Variants in ARID5B observed in about 807,000 individuals in gnomAD.
ARID5B encodes the protein AT-rich interaction domain 5B.
ARID5B carries 13 observed loss-of-function variants against 97.2 expected under a neutral mutation model. The observed-to-expected ratio is 0.13, with a 90% CI of 0.09 to 0.21. ARID5B has a LOEUF of 0.21. ARID5B is among the 10% of genes least tolerant of loss of function. ARID5B has a pLI of 1.00. For synonymous variants in ARID5B, 556 were observed against 570.3 expected (o/e 0.97, Z 0.36); for missense variants, 1,210 against 1,465.3 (o/e 0.83, Z 2.84).
At chr10:62,050,638 C>A (rs933168394) in intron 4 of ARID5B, among the ~76,000 whole-genome samples, 1 of 152,126 alleles carries the variant, frequency 6.6e-6, no homozygotes, top group Non-Finnish European at 1.5e-5. Flanking sequence ...CTAAGAGCTT[C>A]GTGTTACTTC....
chr10:61,947,589 C>T (rs1258890001), intron 3 of ARID5B, among the ~76,000 whole-genome samples: 1 of 151,930 alleles, frequency 6.6e-6, no homozygotes, highest in African/African-American at 2.4e-5. Context: ...TTCTAAGAAA[C>T]TAGGAATACA....
At position 61,943,741 on chromosome 10, in the gene ARID5B, TA is replaced by T. The variant is rs201615059; in HGVS notation, c.502+3345del. On this transcript the variant is annotated intron_variant, in intron 3 of 9. Transcript: ENST00000279873. ...TCACTTCCTGTCTCTCTCTGAATAGTAAAAAAAAAAAACAAGAATGTTCTCA... is the reference window on the plus strand; with the variant it reads ...TCACTTCCTGTCTCTCTCTGAATAGTAAAAAAAAAAACAAGAATGTTCTCA... 9.0e-4 allele frequency among the ~76,000 whole-genome samples: 129 copies of T among 143,724 alleles called. 1 individual carries two copies. Among genetic ancestry groups the T allele is most frequent in the Admixed American group, 7.6e-4 (11 of 14,406 alleles). The allele number at this position is 143,724 out of a possible 152,430, so 94.3% of individuals were successfully genotyped here.
chr10:62,085,966 C>A, intron 9 of ARID5B, 66 bp downstream of exon 9: 1 of 1,509,034 alleles, frequency 6.6e-7, no homozygotes, highest in Non-Finnish European at 9.0e-7. Context: ...CCTTCTGGAG[C>A]CCTGAATCCA....
At chr10:61,990,790 G>C (rs1218983629) in intron 3 of ARID5B, among the ~76,000 whole-genome samples, 2 of 152,078 alleles carry the variant, frequency 1.3e-5, no homozygotes, top group East Asian at 3.8e-4. Flanking sequence ...CCATTTTTAA[G>C]TGCACAATTC....
intron 7 of ARID5B, among the ~76,000 whole-genome samples, chr10:62,065,806 A>G (rs1185662649): frequency 3.4e-5 from 5 of 145,332 alleles, no homozygotes; most frequent in Admixed American, 7.3e-5. Context: ...AGATCGCGCC[A>G]CTGCACTCCA....
chr10:62,091,891 A>G lies in ARID5B; in HGVS notation c.2428A>G (p.Lys810Glu), dbSNP rs372755608. The change falls in exon 10 of 10, where the codon AAG (lysine) becomes GAG (glutamate). Residue 810 changes from lysine to glutamate, a missense_variant. Around this residue, in one of 8 missense-constraint regions of ARID5B, gnomAD observed 800 missense variants for 839.1 expected, o/e 0.95. Coordinates refer to ENST00000279873, the MANE Select transcript of ARID5B (RefSeq NM_032199.3). ...YVLKQEIQEG[K>E]DKLLEKRALP... The stretch of plus-strand genomic sequence containing the variant: ...CCTGAAGCAAGAAATTCAGGAGGGC[A>G]AGGATAAACTCTTAGAGAAAAGGGC... 3.1e-5 allele frequency: 50 copies of G among 1,614,010 alleles called. No individual in the cohort carries two copies. Among genetic ancestry groups the G allele is most frequent in the Non-Finnish European group, 4.2e-5 (49 of 1,180,034 alleles).
At chr10:62,053,375 GC>G (rs1839815895) in intron 5 of ARID5B, among the ~76,000 whole-genome samples, 1 of 152,186 alleles carries the variant, frequency 6.6e-6, no homozygotes, top group South Asian at 2.1e-4. Context: ...CAAGTGATTT[GC>G]CGGTCGCCAT....
intron 5 of ARID5B, among the ~76,000 whole-genome samples, chr10:62,051,595 G>A (rs950647955): frequency 6.6e-6 from 1 of 152,188 alleles, no homozygotes; most frequent in Non-Finnish European, 1.5e-5. Context: ...ATTCTACGCT[G>A]TTGTTCAAGA....
intron 2 of ARID5B, among the ~76,000 whole-genome samples, chr10:61,912,704 A>G (rs1564599253): frequency 6.6e-6 from 1 of 151,700 alleles, no homozygotes; most frequent in Non-Finnish European, 1.5e-5. Context: ...ACATACACAC[A>G]CACACATACA....
At chr10:62,070,277 T>C (rs1840046810) in intron 8 of ARID5B, among the ~76,000 whole-genome samples, 1 of 152,260 alleles carries the variant, frequency 6.6e-6, no homozygotes, top group South Asian at 2.1e-4. Context: ...CGGAATCTTC[T>C]TACCAAGCTC....
chr10:62,071,059 C>A (rs1379203573), intron 8 of ARID5B, among the ~76,000 whole-genome samples: 1 of 112,370 alleles, frequency 8.9e-6, no homozygotes. Context: ...TTTTTTGAGA[C>A]GGAGTCTTCC....
chr10:61,930,122 T>C (rs1439832349), intron 2 of ARID5B, among the ~76,000 whole-genome samples: 1 of 152,232 alleles, frequency 6.6e-6, no homozygotes, highest in Non-Finnish European at 1.5e-5. Context: ...AGGAGTGATA[T>C]GCAGAGAAAG....
At chr10:61,910,030 G>A (rs2132757100) in intron 2 of ARID5B, among the ~76,000 whole-genome samples, 1 of 152,304 alleles carries the variant, frequency 6.6e-6, no homozygotes, top group South Asian at 2.1e-4. Flanking sequence ...GCCTGGTGTT[G>A]GTTGGCAGTT....
chr10:62,082,699 C>T (rs910755168), intron 8 of ARID5B, among the ~76,000 whole-genome samples: 2 of 152,118 alleles, frequency 1.3e-5, no homozygotes, highest in East Asian at 3.8e-4. Flanking sequence ...GTACGTTGAA[C>T]GTTTAAATGT....
chr10:61,952,185 G>A (rs1838332655), intron 3 of ARID5B, among the ~76,000 whole-genome samples: 1 of 152,064 alleles, frequency 6.6e-6, no homozygotes, highest in African/African-American at 2.4e-5. Flanking sequence ...CATGTACTCA[G>A]TCCCCTGCCT....
At chr10:61,978,564 G>A (rs1838733057) in intron 3 of ARID5B, among the ~76,000 whole-genome samples, 1 of 152,178 alleles carries the variant, frequency 6.6e-6, no homozygotes, top group Non-Finnish European at 1.5e-5. Flanking sequence ...TCTCCTTGAA[G>A]AGGTCCTTCA....
At chr10:61,998,571 T>C (rs1444404260) in intron 3 of ARID5B, among the ~76,000 whole-genome samples, 1 of 152,206 alleles carries the variant, frequency 6.6e-6, no homozygotes, top group Non-Finnish European at 1.5e-5. Flanking sequence ...ATCTGGTGTT[T>C]ACAAATGAGC....
At chr10:62,028,431 T>C (rs1839450466) in intron 4 of ARID5B, among the ~76,000 whole-genome samples, 1 of 152,174 alleles carries the variant, frequency 6.6e-6, no homozygotes, top group Non-Finnish European at 1.5e-5. Context: ...ACAAAGTCTG[T>C]TCCCCTGTAG....
chr10:61,927,921 G>T (rs573753528), intron 2 of ARID5B, among the ~76,000 whole-genome samples: 1 of 152,278 alleles, frequency 6.6e-6, no homozygotes, highest in East Asian at 1.9e-4. Context: ...TCTGCTTTCT[G>T]CCCTGGGAGG....
Sources: allele counts gnomAD v4.1 joint callset (sites outside exome capture counted in the v4.1 genomes callset), GRCh38; gene constraint gnomAD v4.1.1; regional missense constraint gnomAD v4.1.1; transcripts MANE v1.5; gene names NCBI Gene and HGNC (gene_info 2026-07-23, HGNC 2026-07-21).